TMEM163: variants seen among roughly 807,000 people sequenced by gnomAD.
TMEM163 encodes transmembrane protein 163.
In TMEM163, 17 loss-of-function variants were observed where a neutral mutation model predicts 29.3. The observed-to-expected ratio is 0.58, with a 90% CI of 0.40 to 0.87. The LOEUF is 0.87. Ranked by LOEUF, TMEM163 falls within the 40% of genes least tolerant of loss-of-function variation. TMEM163 has a pLI of 0.00. For missense variants in TMEM163, 303 were observed against 381.5 expected, an observed-to-expected ratio of 0.79 and a Z score of 1.71; for synonymous variants, 157 against 160.6, an observed-to-expected ratio of 0.98 and a Z score of 0.17.
At chr2:134,645,190 T>C (rs896525081) in intron 2 of TMEM163, among the ~76,000 whole-genome samples, 47 of 152,236 alleles carry the variant, frequency 3.1e-4, no homozygotes, top group African/African-American at 1.1e-3. Flanking sequence ...TAACCAGTCT[T>C]GAAAAACAGT....
chr2:134,530,169 C>A (rs1227971490), intron 4 of TMEM163, among the ~76,000 whole-genome samples: 1 of 152,130 alleles, frequency 6.6e-6, no homozygotes, highest in African/African-American at 2.4e-5. Context: ...AAAGTTCATG[C>A]TAGAAATGCC....
chr2:134,714,734 C>T (rs1351464607), intron 1 of TMEM163, among the ~76,000 whole-genome samples: 1 of 152,216 alleles, frequency 6.6e-6, no homozygotes, highest in Non-Finnish European at 1.5e-5. Context: ...CATCACCATC[C>T]TCTCTCTGTA....
intron 2 of TMEM163, among the ~76,000 whole-genome samples, chr2:134,560,176 GCT>G (rs1681136048): frequency 6.6e-6 from 1 of 152,062 alleles, no homozygotes; most frequent in African/African-American, 2.4e-5. Flanking sequence ...CCCAATCTGA[GCT>G]CTCTGTCACC....
At position 134,576,654 on chromosome 2, in the gene TMEM163, C is replaced by A. The variant is rs1298720286; in HGVS notation, c.323-24563G>T. ...CCTGGCCTCTCCTGAGTCTCTGTTA[C>A]AAAGCTGAAGGTTAAGGGCCAGCAG... On this transcript the variant is annotated intron_variant, in intron 2 of 7. Transcript: ENST00000281924. Among the ~76,000 whole-genome samples, 3 of 152,126 alleles carry A rather than the reference C, an allele frequency of 2.0e-5. No individual in the cohort carries two copies. In the South Asian group the frequency reaches 6.2e-4, roughly 32 times the overall value.
At chr2:134,483,627 A>C (rs1250832250) in intron 5 of TMEM163, among the ~76,000 whole-genome samples, 1 of 152,166 alleles carries the variant, frequency 6.6e-6, no homozygotes, top group Non-Finnish European at 1.5e-5. Context: ...TCTGACCCTA[A>C]AAAGTTAAAT....
chr2:134,660,814 T>G (rs1011606192), intron 2 of TMEM163, among the ~76,000 whole-genome samples: 2 of 152,146 alleles, frequency 1.3e-5, no homozygotes, highest in African/African-American at 4.8e-5. Flanking sequence ...TATTGCTCAG[T>G]TAAAAGAGGG....
chr2:134,489,440 C>T (rs1035493043), intron 5 of TMEM163, among the ~76,000 whole-genome samples: 1 of 151,838 alleles, frequency 6.6e-6, no homozygotes, highest in Admixed American at 6.6e-5. Context: ...TAGCCAGGTG[C>T]AGTGGTGGGC....
intron 2 of TMEM163, among the ~76,000 whole-genome samples, chr2:134,701,843 G>A (rs977406111): frequency 8.0e-5 from 12 of 150,778 alleles, no homozygotes; most frequent in Middle Eastern, 3.2e-3. Flanking sequence ...ACTTGAACCC[G>A]GGAGGCGGAG....
chr2:134,696,345 A>C (rs1684581407), intron 2 of TMEM163, among the ~76,000 whole-genome samples: 1 of 152,222 alleles, frequency 6.6e-6, no homozygotes, highest in African/African-American at 2.4e-5. Context: ...GTTTTGAGAT[A>C]TATATGCACC....
At chr2:134,517,394 T>C (rs180863261) in intron 4 of TMEM163, among the ~76,000 whole-genome samples, 7 of 152,246 alleles carry the variant, frequency 4.6e-5, no homozygotes, top group South Asian at 2.1e-4. Flanking sequence ...GGAGACAGTC[T>C]GGGAAAAGTC....
At chr2:134,553,252 C>A (rs1680971808) in intron 2 of TMEM163, among the ~76,000 whole-genome samples, 1 of 152,310 alleles carries the variant, frequency 6.6e-6, no homozygotes, top group Non-Finnish European at 1.5e-5. Flanking sequence ...CCTACATGGA[C>A]TTCCATCAGC....
chr2:134,500,069 G>A (rs1304088377), intron 5 of TMEM163, among the ~76,000 whole-genome samples: 1 of 152,146 alleles, frequency 6.6e-6, no homozygotes, highest in African/African-American at 2.4e-5. Context: ...ATGATGATGA[G>A]TCTTCCGTAC....
At chr2:134,688,502 C>T (rs1025464764) in intron 2 of TMEM163, among the ~76,000 whole-genome samples, 2 of 152,102 alleles carry the variant, frequency 1.3e-5, no homozygotes, top group African/African-American at 2.4e-5. Context: ...GTCCTTCTAC[C>T]GGGGAATATA....
chr2:134,678,909 G>A (rs1684174775), intron 2 of TMEM163, among the ~76,000 whole-genome samples: 1 of 152,224 alleles, frequency 6.6e-6, no homozygotes, highest in Admixed American at 6.5e-5. Context: ...TGTGAGAACA[G>A]CTATTAATTC....
At position 134,645,322 on chromosome 2, in the gene TMEM163, A is replaced by T. The variant is rs116224045; in HGVS notation, c.322+67878T>A. Among the ~76,000 whole-genome samples, 755 of 152,340 alleles carry T rather than the reference A, an allele frequency of 5.0e-3. 9 individuals carry two copies. Among genetic ancestry groups the T allele is most frequent in the African/African-American group, 0.017 (723 of 41,586 alleles). On this transcript the variant is annotated intron_variant, in intron 2 of 7. Coordinates refer to ENST00000281924, the MANE Select transcript of TMEM163 (RefSeq NM_030923.5). Reference sequence around the variant, plus strand: ...TCAGGCCAAATCCAGCAGCAGCTCTACTGTGCCCAGGTCCTTTTCATTGAT... The same window carrying T: ...TCAGGCCAAATCCAGCAGCAGCTCTTCTGTGCCCAGGTCCTTTTCATTGAT...
intron 2 of TMEM163, among the ~76,000 whole-genome samples, chr2:134,626,348 G>T (rs1371320557): frequency 2.0e-5 from 3 of 152,018 alleles, no homozygotes; most frequent in Non-Finnish European, 2.9e-5. Flanking sequence ...CATGTGATCT[G>T]CCTGCCTCGG....
chr2:134,706,598 G>T (rs1434786254), intron 2 of TMEM163, among the ~76,000 whole-genome samples: 1 of 152,194 alleles, frequency 6.6e-6, no homozygotes, highest in Non-Finnish European at 1.5e-5. Flanking sequence ...CTTTCATCTT[G>T]ATCTTGAGGG....
chr2:134,697,300 A>T (rs920529465), intron 2 of TMEM163, among the ~76,000 whole-genome samples: 2 of 152,114 alleles, frequency 1.3e-5, no homozygotes, highest in African/African-American at 4.8e-5. Flanking sequence ...TCTTCATTTT[A>T]GATTTTTATG....
intron 4 of TMEM163, among the ~76,000 whole-genome samples, chr2:134,516,711 ACATATATATT>A (rs1353090622): frequency 8.4e-6 from 1 of 119,380 alleles, no homozygotes; most frequent in African/African-American, 3.0e-5. Flanking sequence ...ATTCATATAT[ACATATATATT>A]CATATATATG....
Sources: gnomAD v4.1 joint callset for allele counts (sites outside exome capture counted in the v4.1 genomes callset) on GRCh38, gnomAD v4.1.1 for gene constraint, MANE v1.5 for transcripts, NCBI Gene and HGNC (gene_info 2026-07-23, HGNC 2026-07-21) for gene names.